Variants in ITGB8 observed in about 807,000 individuals in gnomAD.
ITGB8 encodes integrin subunit beta 8.
ITGB8 carries 30 observed loss-of-function variants against 89.5 expected under a neutral mutation model. The observed-to-expected ratio is 0.34, with a 90% CI of 0.25 to 0.45. The LOEUF is 0.45. ITGB8 is among the 20% of genes least tolerant of loss of function. The probability of loss-of-function intolerance (pLI) is 1.00; values close to 1 mark genes in which losing one functional copy is unlikely to be tolerated. For synonymous variants in ITGB8, 335 were observed against 320.4 expected (o/e 1.05, Z -0.49); for missense variants, 836 against 933.3 (o/e 0.90, Z 1.36).
At chr7:20,405,955 T>C in intron 11 of ITGB8, 107 bp from the exon 12 acceptor site, 1 of 659,086 alleles carries the variant, frequency 1.5e-6, no homozygotes, top group Non-Finnish European at 2.7e-6. Context: ...AATCAAAATT[T>C]GAATTGTTTC....
intron 6 of ITGB8, among the ~76,000 whole-genome samples, chr7:20,387,533 T>C (rs1038337036): frequency 2.0e-5 from 3 of 152,190 alleles, no homozygotes; most frequent in Non-Finnish European, 2.9e-5. Context: ...ATGATCTGTT[T>C]TCAGAGCCCC....
At position 20,391,491 on chromosome 7, in the gene ITGB8, G is replaced by T; in HGVS notation, c.1049G>T (p.Trp350Leu). ...IFAVQGKQFHWYKDLLPLLPG... is the reference protein window; with the variant it reads ...IFAVQGKQFHLYKDLLPLLPG... ...GCAGTTCAAGGAAAACAATTTCATTGGTATAAGGTATGTTAACTCTGAAAA... is the reference window on the plus strand; with the variant it reads ...GCAGTTCAAGGAAAACAATTTCATTTGTATAAGGTATGTTAACTCTGAAAA... Residue 350 changes from tryptophan (W) to leucine (L), a missense_variant, in exon 7 of 14, where the codon TGG becomes TTG. By Grantham distance (61) the Trp-to-Leu change is moderately conservative. Transcript: ENST00000222573. 3 of 1,524,180 alleles carry T rather than the reference G, an allele frequency of 2.0e-6. No homozygotes were observed. The highest frequency in any genetic ancestry group is 2.7e-6 in the Non-Finnish European group (3 of 1,115,490). The allele number at this position is 1,524,180 out of a possible 1,614,324, so 94.4% of individuals were successfully genotyped here.
At chr7:20,332,608 G>GT (rs1474242794) in intron 1 of ITGB8, among the ~76,000 whole-genome samples, 3 of 152,202 alleles carry the variant, frequency 2.0e-5, no homozygotes, top group African/African-American at 4.8e-5. Flanking sequence ...AACCATTTGT[G>GT]TAAGAGCTAC....
chr7:20,394,574 T>C (rs1259915486), intron 7 of ITGB8, among the ~76,000 whole-genome samples: 1 of 152,206 alleles, frequency 6.6e-6, no homozygotes, highest in Non-Finnish European at 1.5e-5. Context: ...CTTTTGTATG[T>C]TTAAAATCTC....
chr7:20,358,407 C>T (rs1785374322), intron 1 of ITGB8, among the ~76,000 whole-genome samples: 1 of 151,728 alleles, frequency 6.6e-6, no homozygotes, highest in African/African-American at 2.4e-5. Context: ...AAAATATTAG[C>T]ATCATTTTTT....
At chr7:20,353,947 A>AAAG (rs1349104197) in intron 1 of ITGB8, among the ~76,000 whole-genome samples, 2 of 145,904 alleles carry the variant, frequency 1.4e-5, no homozygotes, top group African/African-American at 2.7e-5. Flanking sequence ...AAAAAAAAAA[A>AAAG]AAAAAAAAAG....
chr7:20,414,181 C>A lies in ITGB8; in HGVS notation c.*4184C>A, dbSNP rs1787858819. The A allele has an allele frequency of 6.6e-6, 1 of 152,028 alleles. No homozygotes were observed. Among genetic ancestry groups the A allele is most frequent in the Non-Finnish European group, 1.5e-5 (1 of 67,972 alleles). The allele number at this position is 152,028 out of a possible 1,614,324, so 9.4% of individuals were successfully genotyped here. On this transcript the variant is annotated 3_prime_UTR_variant, in exon 14 of 14. Coordinates refer to ENST00000222573, the MANE Select transcript of ITGB8 (RefSeq NM_002214.3). ...TTACCTAAATGTTTATGCATCTAGGCAAATTTTGTTTTCTTATAAAGATTT... is the reference window on the plus strand; with the variant it reads ...TTACCTAAATGTTTATGCATCTAGGAAAATTTTGTTTTCTTATAAAGATTT...
intron 1 of ITGB8, among the ~76,000 whole-genome samples, chr7:20,351,650 T>C (rs1455478605): frequency 6.6e-6 from 1 of 152,228 alleles, no homozygotes; most frequent in Non-Finnish European, 1.5e-5. Context: ...GAAAACCAAA[T>C]CCTAAGTGAC....
intron 1 of ITGB8, among the ~76,000 whole-genome samples, chr7:20,338,888 A>G (rs1784660428): frequency 2.0e-5 from 2 of 102,532 alleles, no homozygotes; most frequent in Admixed American, 1.8e-4. Flanking sequence ...ATTTCCCTCT[A>G]TTATTTTAAA....
rs149273400 is a variant in ITGB8, at chr7:20,412,097, G to A, written c.*2100G>A. 4.8e-4 allele frequency: 73 copies of A among 152,584 alleles called. No individual in the cohort carries two copies. Among genetic ancestry groups the A allele is most frequent in the African/African-American group, 1.6e-3 (66 of 41,500 alleles). 9.5% of individuals were successfully genotyped at this position (152,584 alleles called of 1,614,324 possible). A position where few individuals can be genotyped will look rare whatever the true frequency, so the allele number is the denominator to read the frequency against. On this transcript the variant is annotated 3_prime_UTR_variant, in exon 14 of 14. Transcript: ENST00000222573. ...AAAGTACTAGATACTGCATTTTGAT[G>A]AAGACTAACCCCATCTCATATTCTA... is the stretch of plus-strand genomic sequence containing the variant.
intron 5 of ITGB8, chr7:20,381,470 T>G: frequency 3.4e-6 from 1 of 293,384 alleles, no homozygotes; most frequent in Non-Finnish European, 6.3e-6. Context: ...CCTCTCCTAC[T>G]TTTTAATCTA....
chr7:20,392,148 C>G (rs1786887267), intron 7 of ITGB8, among the ~76,000 whole-genome samples: 1 of 152,136 alleles, frequency 6.6e-6, no homozygotes, highest in Admixed American at 6.5e-5. Context: ...CCTGTTATAG[C>G]TTTCTTTTCA....
chr7:20,379,206 C>T lies in ITGB8; in HGVS notation c.544C>T (p.Arg182Cys), dbSNP rs147908281. ...ATCTAGAAAAATGGCATTTTTCTCC[C>T]GTGACTTTCGTCTTGGATTTGGCTC... ...DLSRKMAFFS[R>C]DFRLGFGSYV... Residue 182 changes from arginine (R) to cysteine (C), a missense_variant, in exon 4 of 14, where the codon CGT becomes TGT. This residue lies in a region of ITGB8 where 38 missense variants were observed against 52.2 expected (regional missense o/e 0.73). Transcript: ENST00000222573. The T allele has an allele frequency of 4.9e-5, 79 of 1,611,580 alleles. No individual in the cohort carries two copies. The highest frequency in any genetic ancestry group is 8.4e-5 in the Admixed American group (5 of 59,744).
At chr7:20,333,285 T>C (rs959682759) in intron 1 of ITGB8, among the ~76,000 whole-genome samples, 4 of 152,188 alleles carry the variant, frequency 2.6e-5, no homozygotes, top group Admixed American at 2.0e-4. Flanking sequence ...CTTGTGGTTA[T>C]TTTTTGGCTT....
At chr7:20,386,585 G>C (rs1266310381) in intron 6 of ITGB8, among the ~76,000 whole-genome samples, 1 of 151,760 alleles carries the variant, frequency 6.6e-6, no homozygotes, top group Non-Finnish European at 1.5e-5. Context: ...TAATTTTATA[G>C]GAGAACTAAT....
intron 1 of ITGB8, among the ~76,000 whole-genome samples, chr7:20,361,604 G>C (rs1785507249): frequency 6.6e-6 from 1 of 152,136 alleles, no homozygotes; most frequent in South Asian, 2.1e-4. Context: ...TAATACTATT[G>C]CATTAGAGGC....
At chr7:20,394,725 T>A (rs1370933159) in intron 7 of ITGB8, among the ~76,000 whole-genome samples, 171 bp from the exon 8 acceptor site, 1 of 152,228 alleles carries the variant, frequency 6.6e-6, no homozygotes, top group Admixed American at 6.5e-5. Flanking sequence ...TACATGGGTA[T>A]ATGTTCTGGC....
intron 1 of ITGB8, among the ~76,000 whole-genome samples, chr7:20,333,713 G>C (rs1268083658): frequency 6.6e-6 from 1 of 152,098 alleles, no homozygotes; most frequent in African/African-American, 2.4e-5. Flanking sequence ...ACCTGAAAAG[G>C]GAATGCTTAT....
intron 1 of ITGB8, among the ~76,000 whole-genome samples, chr7:20,337,486 G>A (rs531293480): frequency 6.6e-6 from 1 of 152,190 alleles, no homozygotes; most frequent in East Asian, 1.9e-4. Flanking sequence ...TTTACTGTAG[G>A]CCAGGCACCC....
Sources: allele counts gnomAD v4.1 joint callset (sites outside exome capture counted in the v4.1 genomes callset), GRCh38; gene constraint gnomAD v4.1.1; regional missense constraint gnomAD v4.1.1; transcripts MANE v1.5; gene names NCBI Gene and HGNC (gene_info 2026-07-23, HGNC 2026-07-21).